Variants in ATRNL1 observed in about 807,000 individuals in gnomAD.
ATRNL1 encodes attractin like 1, also known as attractin-like protein 1.
In ATRNL1, 95 loss-of-function variants were observed where a neutral mutation model predicts 182.7. That is an observed-to-expected ratio of 0.52 (90% confidence interval 0.44 to 0.62). ATRNL1 has a LOEUF of 0.62. Among genes scored for constraint, ATRNL1 ranks in the 20% least tolerant of loss-of-function variants. The pLI is 0.00. For synonymous variants in ATRNL1, 576 were observed against 568.3 expected, an observed-to-expected ratio of 1.01 and a Z score of -0.19; for missense variants, 1,471 against 1,679.5, an observed-to-expected ratio of 0.88 and a Z score of 2.17.
chr10:115,559,527 G>T (rs1592851353), intron 26 of ATRNL1, among the ~76,000 whole-genome samples: 2 of 152,066 alleles, frequency 1.3e-5, no homozygotes, highest in South Asian at 2.1e-4. Context: ...TACACTTCTT[G>T]CCCCAGTCCT....
chr10:115,740,689 A>G (rs1948111861), intron 27 of ATRNL1, among the ~76,000 whole-genome samples: 1 of 152,062 alleles, frequency 6.6e-6, no homozygotes, highest in African/African-American at 2.4e-5. Context: ...TATTTTTAGT[A>G]GAGATGGTGA....
rs144435021 is a variant in ATRNL1 at position 115,260,304 on chromosome 10, C to T, written c.1688-4889C>T. Among the ~76,000 whole-genome samples, 320 of 152,306 alleles carry T rather than the reference C, an allele frequency of 2.1e-3. 2 individuals carry two copies. Among genetic ancestry groups the T allele is most frequent in the African/African-American group, 7.4e-3 (306 of 41,558 alleles). On this transcript the variant is annotated intron_variant, in intron 10 of 28. Transcript: ENST00000355044. ...ACTTAAGAGTGAAACCCTCTAGCTACCCTTTATCCACTTAGGGTCTTCCTA... is the reference window on the plus strand; with the variant it reads ...ACTTAAGAGTGAAACCCTCTAGCTATCCTTTATCCACTTAGGGTCTTCCTA...
At chr10:115,474,756 T>G (rs1379383352) in intron 24 of ATRNL1, among the ~76,000 whole-genome samples, 1 of 151,430 alleles carries the variant, frequency 6.6e-6, no homozygotes, top group African/African-American at 2.4e-5. Flanking sequence ...TGACAAACAA[T>G]GAAATTTAAA....
chr10:115,850,418 A>G (rs951237929), intron 28 of ATRNL1, among the ~76,000 whole-genome samples: 1 of 152,178 alleles, frequency 6.6e-6, no homozygotes, highest in Non-Finnish European at 1.5e-5. Flanking sequence ...CAATATATGA[A>G]CTAAGTGACT....
At chr10:115,574,353 T>A in intron 26 of ATRNL1, among the ~76,000 whole-genome samples, 1 of 110,742 alleles carries the variant, frequency 9.0e-6, no homozygotes, top group South Asian at 3.8e-4. Flanking sequence ...TATATATAAA[T>A]GTATATATAT....
intron 20 of ATRNL1, among the ~76,000 whole-genome samples, chr10:115,420,996 GA>G (rs1554961821): frequency 6.6e-6 from 1 of 152,038 alleles, no homozygotes; most frequent in Non-Finnish European, 1.5e-5. Context: ...ATTGGATCAT[GA>G]AGAAATAGAA....
intron 24 of ATRNL1, among the ~76,000 whole-genome samples, chr10:115,473,694 C>G (rs184537964): frequency 6.6e-6 from 1 of 151,346 alleles, no homozygotes; most frequent in Non-Finnish European, 1.5e-5. Flanking sequence ...GTGAAGTCAT[C>G]GATTCCTGAG....
intron 25 of ATRNL1, among the ~76,000 whole-genome samples, chr10:115,521,551 T>G (rs1420844569): frequency 6.6e-6 from 1 of 152,190 alleles, no homozygotes. Context: ...TGTAAATTAT[T>G]TGAATCTTGA....
At chr10:115,897,074 C>T (rs1167470886) in intron 28 of ATRNL1, among the ~76,000 whole-genome samples, 1 of 152,056 alleles carries the variant, frequency 6.6e-6, no homozygotes, top group Non-Finnish European at 1.5e-5. Context: ...AACTAATTTT[C>T]TTAATGTGCT....
chr10:115,563,206 A>G (rs1555000313), intron 26 of ATRNL1, among the ~76,000 whole-genome samples: 1 of 152,136 alleles, frequency 6.6e-6, no homozygotes, highest in East Asian at 1.9e-4. Flanking sequence ...GATTCTTTAT[A>G]TTGCATAAAT....
At chr10:115,624,596 A>G (rs1555024082) in intron 26 of ATRNL1, among the ~76,000 whole-genome samples, 4 of 152,056 alleles carry the variant, frequency 2.6e-5, no homozygotes, top group African/African-American at 9.7e-5. Flanking sequence ...ACTCTTCCCA[A>G]CTCTGCGTTC....
chr10:115,944,041 G>A (rs1555124856), intron 28 of ATRNL1, among the ~76,000 whole-genome samples: 1 of 151,912 alleles, frequency 6.6e-6, no homozygotes, highest in Non-Finnish European at 1.5e-5. Context: ...GGGAAAGGGG[G>A]ATAGATTGGT....
intron 13 of ATRNL1, among the ~76,000 whole-genome samples, chr10:115,274,832 A>G (rs1191933412): frequency 6.6e-6 from 1 of 152,196 alleles, no homozygotes; most frequent in Non-Finnish European, 1.5e-5. Context: ...GTTTCCAGGG[A>G]ATGTGTTAAT....
chr10:115,115,806 A>G (rs907461205), intron 1 of ATRNL1, among the ~76,000 whole-genome samples: 20 of 152,106 alleles, frequency 1.3e-4, no homozygotes, highest in Non-Finnish European at 2.8e-4. Context: ...GTTAAGTTAT[A>G]TATCCATAGT....
At chr10:115,673,000 A>G (rs1945747231) in intron 26 of ATRNL1, among the ~76,000 whole-genome samples, 1 of 151,914 alleles carries the variant, frequency 6.6e-6, no homozygotes, top group African/African-American at 2.4e-5. Context: ...CCCATATCCA[A>G]TCCAGCTCAT....
chr10:115,429,039 A>T (rs577392950), intron 21 of ATRNL1, among the ~76,000 whole-genome samples: 2 of 152,108 alleles, frequency 1.3e-5, no homozygotes, highest in African/African-American at 4.8e-5. Flanking sequence ...TAGACATTCT[A>T]GAGTGTGTAT....
chr10:115,589,461 A>G (rs990353389), intron 26 of ATRNL1, among the ~76,000 whole-genome samples: 1 of 152,288 alleles, frequency 6.6e-6, no homozygotes, highest in East Asian at 1.9e-4. Flanking sequence ...TTAAATTGTT[A>G]TAGGAACTAT....
chr10:115,327,114 C>G (rs1300258335), intron 18 of ATRNL1, among the ~76,000 whole-genome samples: 2 of 150,938 alleles, frequency 1.3e-5, no homozygotes, highest in African/African-American at 4.9e-5. Flanking sequence ...AGCTTCTGCA[C>G]AGCAAAAGAA....
At chr10:115,881,326 A>G (rs971886734) in intron 28 of ATRNL1, among the ~76,000 whole-genome samples, 3 of 152,216 alleles carry the variant, frequency 2.0e-5, no homozygotes, top group South Asian at 2.1e-4. Flanking sequence ...GCCGGTGCCC[A>G]GCCCTTAGCC....
Sources: allele counts gnomAD v4.1 joint callset (sites outside exome capture counted in the v4.1 genomes callset), GRCh38; gene constraint gnomAD v4.1.1; transcripts MANE v1.5; gene names NCBI Gene and HGNC (gene_info 2026-07-23, HGNC 2026-07-21).